ELOVL6: variants seen among roughly 807,000 people sequenced by gnomAD.
The protein encoded by ELOVL6 is very long chain fatty acid elongase 6.
In ELOVL6, 8 loss-of-function variants were observed where a neutral mutation model predicts 31.7. The observed-to-expected ratio is 0.25, with a 90% CI of 0.15 to 0.45. The LOEUF is 0.45. Among genes scored for constraint, ELOVL6 ranks in the 20% least tolerant of loss-of-function variants. The pLI is 1.00. For missense variants in ELOVL6, 126 were observed against 326.4 expected, an observed-to-expected ratio of 0.39 and a Z score of 4.73; for synonymous variants, 101 against 117.7, an observed-to-expected ratio of 0.86 and a Z score of 0.92.
intron 1 of ELOVL6, among the ~76,000 whole-genome samples, chr4:110,142,755 T>G (rs1758000377): frequency 6.6e-6 from 1 of 152,220 alleles, no homozygotes; most frequent in Non-Finnish European, 1.5e-5. Context: ...TATCACTGAG[T>G]ATCCTTTGGC....
intron 1 of ELOVL6, among the ~76,000 whole-genome samples, chr4:110,120,793 C>CT (rs1757327343): frequency 7.8e-6 from 1 of 128,950 alleles, no homozygotes; most frequent in Non-Finnish European, 1.7e-5. Context: ...TCTTTTTTTT[C>CT]TTTTCTTTTT....
intron 1 of ELOVL6, among the ~76,000 whole-genome samples, chr4:110,151,209 G>A (rs1358037083): frequency 6.6e-6 from 1 of 150,936 alleles, no homozygotes; most frequent in Non-Finnish European, 1.5e-5. Flanking sequence ...AAGTGTTTCA[G>A]ATTTCAGATT....
intron 2 of ELOVL6, among the ~76,000 whole-genome samples, chr4:110,089,644 T>A (rs968674931): frequency 2.0e-5 from 3 of 152,190 alleles, no homozygotes; most frequent in African/African-American, 7.2e-5. Context: ...AGGCAGAAGA[T>A]CAGGACACTA....
intron 1 of ELOVL6, among the ~76,000 whole-genome samples, chr4:110,121,992 C>T (rs1217256290): frequency 1.3e-5 from 2 of 152,124 alleles, no homozygotes; most frequent in Non-Finnish European, 1.5e-5. Context: ...TATATACTGG[C>T]AGCCGTATAC....
chr4:110,079,952 G>A (rs62325306), intron 2 of ELOVL6, among the ~76,000 whole-genome samples: 37,769 of 151,956 alleles, frequency 0.25, 4,913 homozygotes, highest in Non-Finnish European at 0.29. Flanking sequence ...ATCAGAGAAT[G>A]CTATAAACAC....
chr4:110,137,527 C>T (rs1006151546), intron 1 of ELOVL6, among the ~76,000 whole-genome samples: 2 of 152,014 alleles, frequency 1.3e-5, no homozygotes, highest in Non-Finnish European at 2.9e-5. Flanking sequence ...TTTGACTTTA[C>T]TATAGATCTT....
chr4:110,070,131 A>T (rs919537846), intron 2 of ELOVL6, among the ~76,000 whole-genome samples: 1 of 152,142 alleles, frequency 6.6e-6, no homozygotes, highest in African/African-American at 2.4e-5. Flanking sequence ...TTCTTCACTC[A>T]ACTATGGAAG....
chr4:110,153,179 T>C (rs1196553462), intron 1 of ELOVL6, among the ~76,000 whole-genome samples: 1 of 152,228 alleles, frequency 6.6e-6, no homozygotes, highest in Non-Finnish European at 1.5e-5. Flanking sequence ...ATGTACATTA[T>C]GAAAACTTTC....
chr4:110,125,190 A>T (rs986657699), intron 1 of ELOVL6, among the ~76,000 whole-genome samples: 1 of 152,302 alleles, frequency 6.6e-6, no homozygotes, highest in East Asian at 1.9e-4. Context: ...TTTGACTCCA[A>T]TGCTTCAGTG....
chr4:110,079,125 C>A (rs1208313319), intron 2 of ELOVL6, among the ~76,000 whole-genome samples: 5 of 152,108 alleles, frequency 3.3e-5, no homozygotes. Context: ...ACTTAGACTC[C>A]CACACAATAA....
intron 1 of ELOVL6, among the ~76,000 whole-genome samples, chr4:110,147,959 A>C (rs1330764006): frequency 6.6e-6 from 1 of 152,116 alleles, no homozygotes; most frequent in Non-Finnish European, 1.5e-5. Flanking sequence ...TACTAAATAC[A>C]AAAAATTAGC....
At chr4:110,110,373 G>A (rs1180134898) in intron 1 of ELOVL6, among the ~76,000 whole-genome samples, 1 of 72,128 alleles carries the variant, frequency 1.4e-5, no homozygotes, top group African/African-American at 1.5e-4. Context: ...TTTTTTTTAC[G>A]TTAAAAAAAA....
intron 1 of ELOVL6, among the ~76,000 whole-genome samples, chr4:110,110,596 A>T (rs1313729050): frequency 6.6e-6 from 1 of 151,796 alleles, no homozygotes; most frequent in African/African-American, 2.4e-5. Flanking sequence ...GGATCCCAGT[A>T]TGCTGGCCAG....
chr4:110,134,150 G>A (rs1757744641), intron 1 of ELOVL6, among the ~76,000 whole-genome samples: 1 of 152,100 alleles, frequency 6.6e-6, no homozygotes, highest in Admixed American at 6.6e-5. Context: ...ATAAAACAAA[G>A]CAAATGGCCC....
chr4:110,101,195 A>G (rs1235639778), intron 2 of ELOVL6, among the ~76,000 whole-genome samples: 1 of 152,072 alleles, frequency 6.6e-6, no homozygotes, highest in East Asian at 1.9e-4. Context: ...ATGTGCCACC[A>G]TGCCTGGCTA....
At chr4:110,187,877 G>C (rs954717770) in intron 1 of ELOVL6, among the ~76,000 whole-genome samples, 2 of 152,098 alleles carry the variant, frequency 1.3e-5, no homozygotes, top group Admixed American at 6.6e-5. Context: ...CTCTGGAAAA[G>C]AATTAAAGGT....
At chr4:110,084,375 T>TC (rs1756117215) in intron 2 of ELOVL6, among the ~76,000 whole-genome samples, 1 of 121,748 alleles carries the variant, frequency 8.2e-6, no homozygotes, top group African/African-American at 3.3e-5. Context: ...ATATGATATA[T>TC]GATATATATC....
At chr4:110,161,717 G>A (rs764137333) in intron 1 of ELOVL6, among the ~76,000 whole-genome samples, 2 of 152,128 alleles carry the variant, frequency 1.3e-5, no homozygotes, top group Non-Finnish European at 2.9e-5. Context: ...GCTTCATTCA[G>A]GCATGAGTTA....
At chr4:110,125,900 G>T (rs898337739) in intron 1 of ELOVL6, among the ~76,000 whole-genome samples, 1 of 151,712 alleles carries the variant, frequency 6.6e-6, no homozygotes, top group Admixed American at 6.6e-5. Context: ...GTTATAAAAA[G>T]AATGTTTTTA....
Sources: allele counts gnomAD v4.1 joint callset (sites outside exome capture counted in the v4.1 genomes callset), GRCh38; gene constraint gnomAD v4.1.1; transcripts MANE v1.5; gene names NCBI Gene and HGNC (gene_info 2026-07-23, HGNC 2026-07-21).